CPNE4: variants seen among roughly 807,000 people sequenced by gnomAD.
The protein encoded by CPNE4 is copine-4.
A neutral mutation model predicts 67.9 loss-of-function variants in CPNE4; 25 were observed. The observed-to-expected ratio is 0.37, with a 90% CI of 0.27 to 0.51. The LOEUF (loss-of-function observed/expected upper bound fraction) is 0.51. CPNE4 is among the 20% of genes least tolerant of loss of function. The pLI is 0.93. For synonymous variants in CPNE4, 242 were observed against 244.9 expected, an observed-to-expected ratio of 0.99 and a Z score of 0.11; for missense variants, 464 against 690.8, an observed-to-expected ratio of 0.67 and a Z score of 3.68.
chr3:131,616,827 G>C (rs551851534), intron 7 of CPNE4, among the ~76,000 whole-genome samples: 65 of 152,316 alleles, frequency 4.3e-4, no homozygotes, highest in Admixed American at 9.8e-4. Flanking sequence ...GAGTCAAAGA[G>C]ATCAGCTCTC....
chr3:131,806,848 G>A lies in CPNE4; in HGVS notation c.181-83223C>T, dbSNP rs182632721. On this transcript the variant is annotated intron_variant, in intron 2 of 15. Transcript: ENST00000429747. ...ACAAAAGTCTTCCTGGATTTGTTTC[G>A]AAAAACCTAACATCCATTCTGAGAG... is the stretch of plus-strand genomic sequence containing the variant. 2.1e-4 allele frequency among the ~76,000 whole-genome samples: 32 copies of A among 152,184 alleles called. No homozygotes were observed. In the East Asian group the frequency reaches 6.0e-3, roughly 29 times the overall value.
chr3:131,696,433 T>C (rs2081159425), intron 5 of CPNE4, 109 bp downstream of exon 5: 2 of 947,332 alleles, frequency 2.1e-6, no homozygotes, highest in Non-Finnish European at 1.6e-6. Flanking sequence ...TTTTTGGATC[T>C]GTTTGATAAT....
intron 1 of CPNE4, among the ~76,000 whole-genome samples, chr3:131,948,412 G>A (rs183188202): frequency 6.6e-6 from 1 of 152,296 alleles, no homozygotes; most frequent in East Asian, 1.9e-4. Flanking sequence ...TAAGTTTCCT[G>A]AGGCTTCCCC....
At chr3:131,946,495 C>G (rs2071555941) in intron 1 of CPNE4, among the ~76,000 whole-genome samples, 1 of 152,132 alleles carries the variant, frequency 6.6e-6, no homozygotes, top group Non-Finnish European at 1.5e-5. Context: ...CGTGGATGTA[C>G]AGGTAGTCAA....
At chr3:131,613,761 C>T (rs896992433) in intron 7 of CPNE4, among the ~76,000 whole-genome samples, 1 of 152,116 alleles carries the variant, frequency 6.6e-6, no homozygotes, top group African/African-American at 2.4e-5. Flanking sequence ...AACAGACCAT[C>T]ACTCCCCTTT....
chr3:132,003,321 C>T (rs2073503337), intron 1 of CPNE4, among the ~76,000 whole-genome samples: 1 of 152,076 alleles, frequency 6.6e-6, no homozygotes, highest in East Asian at 1.9e-4. Context: ...AACTCCTCAG[C>T]TTATTTTAGA....
At chr3:131,693,919 G>T (rs908518837) in intron 5 of CPNE4, among the ~76,000 whole-genome samples, 1 of 152,084 alleles carries the variant, frequency 6.6e-6, no homozygotes, top group African/African-American at 2.4e-5. Context: ...ATTTTTTTGT[G>T]AGTGTGTGCC....
chr3:131,715,629 A>G (rs2081665592), intron 3 of CPNE4, among the ~76,000 whole-genome samples: 1 of 152,250 alleles, frequency 6.6e-6, no homozygotes, highest in Admixed American at 6.5e-5. Flanking sequence ...GTATAGCAAC[A>G]GCTTCACCCA....
chr3:131,851,542 C>A (rs1397586241), intron 2 of CPNE4, among the ~76,000 whole-genome samples: 1 of 152,082 alleles, frequency 6.6e-6, no homozygotes, highest in African/African-American at 2.4e-5. Flanking sequence ...CTTCCATGCT[C>A]ACATTTATAC....
chr3:132,037,738 C>T (rs556612179), upstream of CPNE4: 24 of 718,638 alleles, frequency 3.3e-5, no homozygotes, highest in South Asian at 4.9e-5. Context: ...AGGAGGCATC[C>T]GCTCAGTGTC....
intron 3 of CPNE4, among the ~76,000 whole-genome samples, chr3:131,701,409 C>T (rs6777470): frequency 0.12 from 18,777 of 152,090 alleles, 1,260 homozygotes; most frequent in African/African-American, 0.16. Context: ...ATGGACCCAG[C>T]GACTTGCTTC....
chr3:131,973,677 T>G (rs1486558845), intron 1 of CPNE4, among the ~76,000 whole-genome samples: 1 of 152,206 alleles, frequency 6.6e-6, no homozygotes, highest in East Asian at 1.9e-4. Context: ...GTATACTGAA[T>G]GACTTCTCCC....
At chr3:131,768,172 C>T (rs1015387957) in intron 2 of CPNE4, among the ~76,000 whole-genome samples, 2 of 152,076 alleles carry the variant, frequency 1.3e-5, no homozygotes, top group African/African-American at 4.8e-5. Flanking sequence ...TTTTCGGGAA[C>T]ATTTGCACCC....
chr3:131,650,206 A>G (rs2079773574), intron 7 of CPNE4, among the ~76,000 whole-genome samples: 1 of 152,228 alleles, frequency 6.6e-6, no homozygotes, highest in African/African-American at 2.4e-5. Context: ...TATTAATTAC[A>G]TCTTCACCTC....
intron 2 of CPNE4, among the ~76,000 whole-genome samples, chr3:131,795,416 A>G (rs528973748): frequency 6.6e-6 from 1 of 152,302 alleles, no homozygotes; most frequent in Non-Finnish European, 1.5e-5. Context: ...TCATGACAGT[A>G]TGTGAGGTCA....
intron 2 of CPNE4, among the ~76,000 whole-genome samples, chr3:131,731,900 T>C (rs1031859956): frequency 5.9e-5 from 9 of 152,210 alleles, no homozygotes; most frequent in African/African-American, 2.2e-4. Flanking sequence ...ACATATATAC[T>C]AGTAATTCTC....
intron 11 of CPNE4, among the ~76,000 whole-genome samples, chr3:131,558,583 T>C (rs1306105401): frequency 1.3e-5 from 2 of 152,030 alleles, no homozygotes; most frequent in East Asian, 1.9e-4. Context: ...TAAGCTGTCC[T>C]GACCTTCTTA....
intron 8 of CPNE4, among the ~76,000 whole-genome samples, chr3:131,582,961 C>T (rs7628765): frequency 0.036 from 5,540 of 152,168 alleles, 306 homozygotes; most frequent in African/African-American, 0.12. Flanking sequence ...CCAGGAAGTT[C>T]TGGGCTAATT....
intron 2 of CPNE4, among the ~76,000 whole-genome samples, chr3:131,762,852 C>A (rs2082922740): frequency 6.6e-6 from 1 of 150,384 alleles, no homozygotes; most frequent in Non-Finnish European, 1.5e-5. Context: ...TGAGTGTCAG[C>A]AAAGGTTTAT....
Sources: allele counts gnomAD v4.1 joint callset (sites outside exome capture counted in the v4.1 genomes callset), GRCh38; gene constraint gnomAD v4.1.1; transcripts MANE v1.5; gene names NCBI Gene and HGNC (gene_info 2026-07-23, HGNC 2026-07-21).